The following DISC1 variants were observed in gnomAD, a reference collection of about 807,000 sequenced individuals.
The protein encoded by DISC1 is DISC1 scaffold protein.
Under a neutral mutation model 84.5 loss-of-function variants are expected in DISC1, and 57 were observed. The ratio of observed to expected loss-of-function variants is 0.67; its 90% confidence interval spans 0.55 to 0.84. The LOEUF (loss-of-function observed/expected upper bound fraction) is 0.84. DISC1 is among the 40% of genes least tolerant of loss of function. The probability of loss-of-function intolerance (pLI) is 0.00; values close to 1 mark genes in which losing one functional copy is unlikely to be tolerated. For synonymous variants in DISC1, 411 were observed against 415.2 expected, an observed-to-expected ratio of 0.99 and a Z score of 0.12; for missense variants, 1,000 against 1,057.8, an observed-to-expected ratio of 0.95 and a Z score of 0.76.
chr1:231,779,977 T>C (rs923792624), intron 6 of DISC1, among the ~76,000 whole-genome samples: 7 of 152,028 alleles, frequency 4.6e-5, no homozygotes, highest in Non-Finnish European at 1.0e-4. Context: ...TTGCAGGCTG[T>C]AACCCCCTTT....
At chr1:231,737,560 A>T (rs2072673650) in intron 3 of DISC1, among the ~76,000 whole-genome samples, 2 of 152,218 alleles carry the variant, frequency 1.3e-5, no homozygotes, top group Non-Finnish European at 2.9e-5. Flanking sequence ...ACTGGGCCAA[A>T]CAGTGAAAGG....
chr1:231,946,360 A>G (rs540864695), intron 9 of DISC1, among the ~76,000 whole-genome samples: 1 of 152,178 alleles, frequency 6.6e-6, no homozygotes, highest in African/African-American at 2.4e-5. Flanking sequence ...ATGACAAAAA[A>G]CACATTATTA....
chr1:231,746,138 C>T (rs1043115958), intron 3 of DISC1, among the ~76,000 whole-genome samples: 7 of 152,154 alleles, frequency 4.6e-5, no homozygotes, highest in Non-Finnish European at 8.8e-5. Flanking sequence ...CTCAGGTATT[C>T]CTTTATAGCA....
In DISC1 at chr1:231,770,848, C is replaced by T; in HGVS notation, c.1412C>T (p.Ala471Val). The T allele has an allele frequency of 1.2e-6, 2 of 1,614,108 alleles. No individual in the cohort carries two copies. The highest frequency in any genetic ancestry group is 2.2e-5 in the East Asian group (1 of 44,880). ...CATTCTCTACAGAAAGAAATCGAAG[C>T]TCTCCAAGCAAGGATGTTTGTGCTG... is the stretch of plus-strand genomic sequence containing the variant. ...EKQQLQKEIE[A>V]LQARMFVLEA... Residue 471 changes from alanine (A) to valine (V), a missense_variant, in exon 6 of 13, where the codon GCT becomes GTT. Ala to Val is a moderately conservative substitution (Grantham distance 64, BLOSUM62 0). Transcript: ENST00000439617.
At chr1:232,030,710 T>C (rs145962341) in intron 12 of DISC1, among the ~76,000 whole-genome samples, 173 of 152,314 alleles carry the variant, frequency 1.1e-3, no homozygotes, top group African/African-American at 3.9e-3. Flanking sequence ...ACGAGAGTTT[T>C]GGGAGACTGT....
chr1:231,679,406 A>C (rs1040198235), intron 1 of DISC1, among the ~76,000 whole-genome samples: 2 of 152,234 alleles, frequency 1.3e-5, no homozygotes, highest in African/African-American at 4.8e-5. Context: ...AGTGATAGCT[A>C]TCTGAGAGGA....
intron 1 of DISC1, among the ~76,000 whole-genome samples, chr1:231,672,322 T>C (rs1572716006): frequency 1.3e-5 from 2 of 152,176 alleles, no homozygotes; most frequent in South Asian, 4.1e-4. Context: ...AATGGCTAGG[T>C]ACTCTCTTTC....
intron 9 of DISC1, among the ~76,000 whole-genome samples, chr1:231,867,935 G>A (rs2085176985): frequency 6.6e-6 from 1 of 152,208 alleles, no homozygotes; most frequent in Non-Finnish European, 1.5e-5. Flanking sequence ...TCGCAAGGGA[G>A]AGAAAAAAGC....
chr1:231,930,618 T>C (rs1043080841), intron 9 of DISC1, among the ~76,000 whole-genome samples: 1 of 152,058 alleles, frequency 6.6e-6, no homozygotes, highest in African/African-American at 2.4e-5. Context: ...TCACATAGCC[T>C]CTAAAAAGGG....
At chr1:231,764,325 G>T (rs931261181) in intron 4 of DISC1, among the ~76,000 whole-genome samples, 1 of 152,178 alleles carries the variant, frequency 6.6e-6, no homozygotes, top group Non-Finnish European at 1.5e-5. Flanking sequence ...CAGCTACTTA[G>T]TGTGTGTTGG....
At position 231,693,953 on chromosome 1, in the gene DISC1, C is replaced by G; in HGVS notation, c.195C>G (p.Phe65Leu). The change falls in exon 2 of 13, where the codon TTC becomes TTG. Residue 65 changes from phenylalanine (F) to leucine (L), a missense_variant. Phe to Leu is a conservative substitution (Grantham distance 22). Coordinates refer to ENST00000439617, the MANE Select transcript of DISC1 (RefSeq NM_018662.3). ...TTTCCCCAGCAGTGGGCACACTGTT[C>G]CGGTTCCCAGGAGGGGTGTCTGGCG... ...GFLSPAVGTL[F>L]RFPGGVSGEE... is the part of the protein sequence containing the mutation. 1 of 1,614,132 alleles carries G rather than the reference C, an allele frequency of 6.2e-7. No individual in the cohort carries two copies. Among genetic ancestry groups the G allele is most frequent in the Non-Finnish European group, 8.5e-7 (1 of 1,180,014 alleles).
At chr1:231,943,389 G>A (rs549202617) in intron 9 of DISC1, among the ~76,000 whole-genome samples, 44 of 152,358 alleles carry the variant, frequency 2.9e-4, no homozygotes, top group African/African-American at 8.7e-4. Flanking sequence ...AATGGGAAAG[G>A]CAAGACAACC....
chr1:231,843,244 A>G (rs971455175), intron 9 of DISC1, among the ~76,000 whole-genome samples: 1 of 152,204 alleles, frequency 6.6e-6, no homozygotes, highest in African/African-American at 2.4e-5. Context: ...ATGAGAGGTG[A>G]TAGAGAAAAG....
At chr1:231,899,541 T>A (rs1186458080) in intron 9 of DISC1, among the ~76,000 whole-genome samples, 1 of 152,220 alleles carries the variant, frequency 6.6e-6, no homozygotes, top group African/African-American at 2.4e-5. Flanking sequence ...TGCATCTGGT[T>A]TGGATGATCT....
chr1:231,857,092 A>G (rs748583), intron 9 of DISC1, among the ~76,000 whole-genome samples: 49,243 of 152,050 alleles, frequency 0.32, 8,407 homozygotes, highest in East Asian at 0.39. Context: ...ACCTTTATCA[A>G]TGTGTGGGAA....
At chr1:231,661,223 G>A (rs1480708691) in intron 1 of DISC1, among the ~76,000 whole-genome samples, 1 of 151,698 alleles carries the variant, frequency 6.6e-6, no homozygotes, top group Non-Finnish European at 1.5e-5. Flanking sequence ...ATGTGTCTGG[G>A]GGTTGATCTT....
intron 11 of DISC1, among the ~76,000 whole-genome samples, chr1:232,024,975 T>C (rs1669313232): frequency 6.6e-6 from 1 of 152,220 alleles, no homozygotes; most frequent in African/African-American, 2.4e-5. Context: ...AATTCTGAGC[T>C]CATTTCTTGC....
rs199892456 is a variant in DISC1, at chr1:231,713,680, GATATATATATATATATATAGGAGATAT to G, written c.1117+11674_1117+11700del. ...GGGACCTCTAGGACATCATGAAGCA[GATATATATATATATATATAGGAGATAT>G]ATATATATATATATATAGGAGATAT... On this transcript the variant is annotated intron_variant, in intron 3 of 12. Coordinates refer to ENST00000439617, the MANE Select transcript of DISC1 (RefSeq NM_018662.3). 4.0e-4 allele frequency among the ~76,000 whole-genome samples: 48 copies of G among 120,806 alleles called. 1 individual carries two copies. The East Asian group carries it at 0.01, about 26-fold the overall frequency. The allele number at this position is 120,806 out of a possible 152,430, so 79.3% of individuals were successfully genotyped here.
At chr1:231,959,472 A>G in intron 10 of DISC1, 1 of 985,656 alleles carries the variant, frequency 1.0e-6, no homozygotes, top group Non-Finnish European at 1.2e-6. Flanking sequence ...GTTCCTAATT[A>G]AGGCAACAAG....
Sources: gnomAD v4.1 joint callset for allele counts (sites outside exome capture counted in the v4.1 genomes callset) on GRCh38, gnomAD v4.1.1 for gene constraint, MANE v1.5 for transcripts, NCBI Gene and HGNC (gene_info 2026-07-23, HGNC 2026-07-21) for gene names.